C1orf87: variants seen among roughly 807,000 people sequenced by gnomAD.
C1orf87 encodes the protein chromosome 1 open reading frame 87, also known as uncharacterized protein C1orf87.
Under a neutral mutation model 60.5 loss-of-function variants are expected in C1orf87, and 58 were observed. That is an observed-to-expected ratio of 0.96 (90% CI 0.78 to 1.19). The LOEUF is 1.19. Ranked by LOEUF, C1orf87 falls within the 50% of genes most tolerant of loss-of-function variation. The probability of loss-of-function intolerance (pLI) is 0.00; values close to 1 mark genes in which losing one functional copy is unlikely to be tolerated. For synonymous variants in C1orf87, 236 were observed against 227.4 expected, an observed-to-expected ratio of 1.04 and a Z score of -0.34; for missense variants, 673 against 638.6, an observed-to-expected ratio of 1.05 and a Z score of -0.58.
chr1:60,039,022 T>C (rs1416125703), intron 5 of C1orf87, among the ~76,000 whole-genome samples: 2 of 152,224 alleles, frequency 1.3e-5, no homozygotes, highest in African/African-American at 4.8e-5. Context: ...ATACTTCTCA[T>C]AAATATATAA....
intron 5 of C1orf87, among the ~76,000 whole-genome samples, chr1:60,038,379 C>G (rs1422270457): frequency 6.6e-6 from 1 of 151,912 alleles, no homozygotes; most frequent in Non-Finnish European, 1.5e-5. Context: ...GAACCGAGAC[C>G]CTGTGAGCTA....
Position 59,997,609 on chromosome 1 carries a change from C to T in C1orf87, c.1480G>A (p.Gly494Arg). The T allele has an allele frequency of 6.2e-7, 1 of 1,613,514 alleles. No homozygotes were observed. The highest frequency in any genetic ancestry group is 8.5e-7 in the Non-Finnish European group (1 of 1,179,682). Residue 494 changes from glycine (G) to arginine (R), a missense_variant and splice_region_variant, in exon 11 of 12, where the codon GGA becomes AGA. By Grantham distance (125) the Gly-to-Arg change is moderately radical (BLOSUM62 -2). Transcript: ENST00000371201. The stretch of plus-strand genomic sequence containing the variant: ...GCCAGCTTTACAATTCATACTTCAC[C>T]TGTGTTACTCAGATCACACAGGTAG... The part of the protein sequence containing the change: ...ALYLCDLSNT[G>R]VLEKERARRL...
chr1:60,006,084 C>G (rs938400783), intron 9 of C1orf87, among the ~76,000 whole-genome samples: 3 of 152,016 alleles, frequency 2.0e-5, no homozygotes, highest in Non-Finnish European at 4.4e-5. Context: ...TAGTAAAGTT[C>G]TCTCCTTCTT....
chr1:60,004,545 C>A (rs1200606231), intron 9 of C1orf87, among the ~76,000 whole-genome samples: 1 of 151,950 alleles, frequency 6.6e-6, no homozygotes. Flanking sequence ...TCTAAAACTT[C>A]CATTAGGAAA....
chr1:60,048,106 A>C (rs911795060), intron 3 of C1orf87, among the ~76,000 whole-genome samples: 1 of 152,204 alleles, frequency 6.6e-6, no homozygotes, highest in Non-Finnish European at 1.5e-5. Context: ...ATACTGTGGA[A>C]GTGATGGTAC....
intron 8 of C1orf87, chr1:60,010,731 A>C: frequency 3.7e-6 from 1 of 266,730 alleles, no homozygotes. Flanking sequence ...CAGCAAGAAA[A>C]TCTGGCTGAT....
At chr1:60,019,394 T>C (rs181979985) in intron 8 of C1orf87, among the ~76,000 whole-genome samples, 1 of 152,306 alleles carries the variant, frequency 6.6e-6, no homozygotes, top group Non-Finnish European at 1.5e-5. Context: ...CAATTAAACC[T>C]CTTTTCTTCA....
At chr1:60,016,073 C>T (rs1463608938) in intron 8 of C1orf87, among the ~76,000 whole-genome samples, 1 of 152,070 alleles carries the variant, frequency 6.6e-6, no homozygotes, top group Non-Finnish European at 1.5e-5. Flanking sequence ...AAAAGGCCCT[C>T]CAAATATAGC....
At chr1:59,998,632 T>G (rs903256968) in intron 10 of C1orf87, among the ~76,000 whole-genome samples, 1 of 152,150 alleles carries the variant, frequency 6.6e-6, no homozygotes, top group Non-Finnish European at 1.5e-5. Context: ...TCTATCTGCA[T>G]AGTTTAGGAC....
At chr1:60,025,869 C>A (rs1007471207) in intron 7 of C1orf87, among the ~76,000 whole-genome samples, 3 of 152,204 alleles carry the variant, frequency 2.0e-5, no homozygotes, top group Admixed American at 1.3e-4. Flanking sequence ...TTGTATCATC[C>A]ATTTTGATTA....
intron 9 of C1orf87, among the ~76,000 whole-genome samples, chr1:60,008,057 T>C (rs1244098300): frequency 2.0e-5 from 3 of 152,020 alleles, no homozygotes; most frequent in Non-Finnish European, 4.4e-5. Context: ...TTAGTCATCA[T>C]AGATCCAGCA....
chr1:60,038,434 C>A (rs1218809820), intron 5 of C1orf87, among the ~76,000 whole-genome samples: 3 of 151,948 alleles, frequency 2.0e-5, no homozygotes, highest in East Asian at 1.9e-4. Context: ...GCTATCCTGT[C>A]CAAAAATATC....
intron 3 of C1orf87, among the ~76,000 whole-genome samples, chr1:60,042,330 G>T (rs1316871342): frequency 6.6e-6 from 1 of 152,058 alleles, no homozygotes; most frequent in African/African-American, 2.4e-5. Context: ...TGCCTCCCGG[G>T]TTCAAGTGAT....
chr1:60,071,967 T>G (rs1645587141), intron 2 of C1orf87, among the ~76,000 whole-genome samples: 5 of 152,190 alleles, frequency 3.3e-5, no homozygotes, highest in Non-Finnish European at 5.9e-5. Context: ...GAGCTAGTCA[T>G]ACTGTTCTGT....
At chr1:60,031,062 C>A (rs1645234550) in intron 7 of C1orf87, among the ~76,000 whole-genome samples, 1 of 152,050 alleles carries the variant, frequency 6.6e-6, no homozygotes, top group Non-Finnish European at 1.5e-5. Context: ...GCATAGCTTT[C>A]ATAGTCTGTG....
intron 2 of C1orf87, among the ~76,000 whole-genome samples, chr1:60,056,769 C>G (rs1434563785): frequency 6.6e-6 from 1 of 152,036 alleles, no homozygotes; most frequent in African/African-American, 2.4e-5. Flanking sequence ...AAATACTATT[C>G]TATAATCTGA....
chr1:59,998,151 G>C (rs1644976503), intron 10 of C1orf87, among the ~76,000 whole-genome samples: 1 of 152,150 alleles, frequency 6.6e-6, no homozygotes, highest in Non-Finnish European at 1.5e-5. Flanking sequence ...GTCTGCAGGG[G>C]GTAGACTTCA....
At chr1:60,031,103 G>A (rs1645234915) in intron 7 of C1orf87, among the ~76,000 whole-genome samples, 1 of 152,034 alleles carries the variant, frequency 6.6e-6, no homozygotes, top group African/African-American at 2.4e-5. Flanking sequence ...AGGAAATTCA[G>A]AGCTACTTGT....
At position 60,055,278 on chromosome 1, in the gene C1orf87, C is replaced by T. The variant is rs1189993145; in HGVS notation, c.268G>A (p.Glu90Lys). Reference protein sequence around the residue: ...PDDVKEKKHPENNQKSENNQK... With the variant: ...PDDVKEKKHPKNNQKSENNQK... ...TTGTTTTCTGATTTCTGGTTGTTCT[C>T]TGGGTGCTTTTTCTCTTTCACATCA... Residue 90 changes from glutamate to lysine, a missense_variant, in exon 3 of 12, where the codon GAG becomes AAG. Physicochemically the swap from Glu to Lys is moderately conservative, Grantham distance 56. Transcript: ENST00000371201. 1.9e-6 allele frequency: 3 copies of T among 1,614,152 alleles called. No homozygotes were observed. Among genetic ancestry groups the T allele is most frequent in the Non-Finnish European group, 2.5e-6 (3 of 1,180,014 alleles).
Sources: gnomAD v4.1 joint callset for allele counts (sites outside exome capture counted in the v4.1 genomes callset) on GRCh38, gnomAD v4.1.1 for gene constraint, MANE v1.5 for transcripts, NCBI Gene and HGNC (gene_info 2026-07-23, HGNC 2026-07-21) for gene names.